The following SCAI variants were observed in gnomAD, a reference collection of about 807,000 sequenced individuals.
SCAI encodes protein SCAI.
SCAI carries 24 observed loss-of-function variants against 92.2 expected under a neutral mutation model. The ratio of observed to expected loss-of-function variants is 0.26; its 90% CI spans 0.19 to 0.37. The LOEUF (loss-of-function observed/expected upper bound fraction) is 0.37, where lower values mean the gene tolerates loss of function less well. Ranked by LOEUF, SCAI falls within the 10% of genes least tolerant of loss-of-function variation. The probability of loss-of-function intolerance (pLI) is 1.00; values close to 1 mark genes in which losing one functional copy is unlikely to be tolerated. For missense variants in SCAI, 450 were observed against 736.2 expected (o/e 0.61, Z 4.50); for synonymous variants, 261 against 258.6 (o/e 1.01, Z -0.09).
intron 2 of SCAI, among the ~76,000 whole-genome samples, chr9:125,067,539 C>T (rs796195319): frequency 3.3e-5 from 5 of 152,210 alleles, no homozygotes; most frequent in African/African-American, 4.8e-5. Flanking sequence ...CATCAGAAGC[C>T]GGGAGAGAGA....
chr9:124,981,574 G>A (rs1831887035), intron 14 of SCAI, among the ~76,000 whole-genome samples: 1 of 152,026 alleles, frequency 6.6e-6, no homozygotes, highest in African/African-American at 2.4e-5. Flanking sequence ...CGTGATGAGT[G>A]TTATTAGATT....
chr9:125,143,347 C>A, intron 1 of SCAI, 38 bp downstream of exon 1: 1 of 1,256,624 alleles, frequency 8.0e-7, no homozygotes, highest in Non-Finnish European at 1.0e-6. Context: ...CTGGCCCCCA[C>A]CCCATCCCCA....
intron 2 of SCAI, among the ~76,000 whole-genome samples, chr9:125,134,234 C>T (rs562770408): frequency 6.6e-6 from 1 of 152,272 alleles, no homozygotes; most frequent in African/African-American, 2.4e-5. Context: ...AAACTGCCCT[C>T]ACTACCACTA....
At chr9:125,006,330 C>T (rs914439048) in intron 9 of SCAI, among the ~76,000 whole-genome samples, 21 of 152,040 alleles carry the variant, frequency 1.4e-4, no homozygotes, top group African/African-American at 4.1e-4. Flanking sequence ...AGCCAAGAGG[C>T]GGGGATTAAA....
intron 2 of SCAI, among the ~76,000 whole-genome samples, chr9:125,082,401 C>T (rs969780881): frequency 1.3e-5 from 2 of 152,238 alleles, no homozygotes; most frequent in African/African-American, 4.8e-5. Flanking sequence ...CATGGAGAAC[C>T]TCTGCTAAGG....
chr9:125,139,397 C>A (rs185088229), intron 2 of SCAI, among the ~76,000 whole-genome samples: 128 of 151,854 alleles, frequency 8.4e-4, no homozygotes, highest in African/African-American at 3.0e-3. Flanking sequence ...TGAAGTGAGA[C>A]CGTCTTTAAA....
intron 17 of SCAI, among the ~76,000 whole-genome samples, chr9:124,959,399 T>C (rs1831389240): frequency 6.7e-6 from 1 of 150,260 alleles, no homozygotes; most frequent in South Asian, 2.1e-4. Context: ...AAAAGCAACC[T>C]TCAAAAGCTA....
At position 125,025,217 on chromosome 9, in the gene SCAI, T is replaced by C. The variant is rs372138464; in HGVS notation, c.512+1595A>G. Among the ~76,000 whole-genome samples the C allele has an allele frequency of 6.4e-4, 98 of 152,320 alleles. 2 individuals are homozygous for C. In the South Asian group the frequency reaches 0.02, roughly 31 times the overall value. ...CAAGGTCAAGGTTTTGCACACCAGA[T>C]TGTCCTTTGATTCTAATTTACTGGC... is the stretch of plus-strand genomic sequence containing the variant. On this transcript the variant is annotated intron_variant, in intron 6 of 17. Coordinates refer to ENST00000336505, the MANE Select transcript of SCAI (RefSeq NM_001144877.3).
intron 2 of SCAI, among the ~76,000 whole-genome samples, chr9:125,129,819 C>T (rs1283466127): frequency 6.6e-6 from 1 of 151,748 alleles, no homozygotes; most frequent in Non-Finnish European, 1.5e-5. Flanking sequence ...ATCTAGATAC[C>T]GATTACTATG....
intron 14 of SCAI, among the ~76,000 whole-genome samples, chr9:124,994,041 T>A (rs1317047803): frequency 3.9e-5 from 6 of 151,930 alleles, no homozygotes; most frequent in Admixed American, 2.0e-4. Context: ...TGGCATTTTT[T>A]TTTTTTTTTT....
intron 2 of SCAI, among the ~76,000 whole-genome samples, chr9:125,061,563 A>G (rs942825690): frequency 6.6e-6 from 1 of 152,192 alleles, no homozygotes; most frequent in Non-Finnish European, 1.5e-5. Context: ...GTTAGAGATC[A>G]GCCTGGGCAA....
rs117214916 is a variant in SCAI at position 125,007,209 on chromosome 9, A to G, written c.862-3639T>C. Among the ~76,000 whole-genome samples the G allele has an allele frequency of 3.1e-3, 468 of 152,318 alleles. 3 individuals are homozygous for G. The highest frequency in any genetic ancestry group is 4.2e-3 in the Non-Finnish European group (288 of 68,036). On this transcript the variant is annotated intron_variant, in intron 9 of 17. Transcript: ENST00000336505. ...AGATATATAGTAATTATAAATATTA[A>G]TATGATAATTTTAAAAGTGAGAAAC...
intron 2 of SCAI, among the ~76,000 whole-genome samples, chr9:125,073,682 T>C (rs181502584): frequency 2.0e-4 from 31 of 152,210 alleles, no homozygotes; most frequent in African/African-American, 7.2e-4. Flanking sequence ...ATGACTCTGT[T>C]TATGCAGCAA....
At chr9:125,128,525 G>A (rs144361881) in intron 2 of SCAI, among the ~76,000 whole-genome samples, 3,094 of 149,102 alleles carry the variant, frequency 0.021, 104 homozygotes, top group African/African-American at 0.072. Context: ...AGTCCGAGGC[G>A]GGTGGATCAC....
rs1832587178 is a variant in SCAI, at chr9:125,009,540, G to A, written c.862-5970C>T. On this transcript the variant is annotated intron_variant, in intron 9 of 17. Coordinates refer to ENST00000336505, the MANE Select transcript of SCAI (RefSeq NM_001144877.3). ...CCCCACTTTGCCTCCCAAAGTGCAT[G>A]AGCCACCATGCCCAAAGGCATGAGT... Among the ~76,000 whole-genome samples, 3 of 152,144 alleles carry A rather than the reference G, an allele frequency of 2.0e-5. 1 individual carries two copies. The South Asian group carries it at 6.2e-4, about 32-fold the overall frequency.
At chr9:125,044,682 G>A (rs1003850262) in intron 3 of SCAI, among the ~76,000 whole-genome samples, 1 of 152,148 alleles carries the variant, frequency 6.6e-6, no homozygotes, top group Non-Finnish European at 1.5e-5. Flanking sequence ...ACACAAACAG[G>A]GCTGAAACAT....
chr9:125,107,238 G>A lies in SCAI; in HGVS notation c.98+35395C>T, dbSNP rs1014910440. On this transcript the variant is annotated intron_variant, in intron 2 of 17. Transcript: ENST00000336505. ...ATCCTGGCCAACATAGTGAAACCCC[G>A]TCTCTACTAGAAATACAAAAATTAG... 3.3e-5 allele frequency among the ~76,000 whole-genome samples: 5 copies of A among 151,780 alleles called. No homozygotes were observed. The East Asian group carries it at 7.8e-4, about 24-fold the overall frequency.
At chr9:124,988,711 C>T (rs530647683) in intron 14 of SCAI, among the ~76,000 whole-genome samples, 32 of 151,782 alleles carry the variant, frequency 2.1e-4, no homozygotes, top group Admixed American at 3.9e-4. Flanking sequence ...TGTGCAATAA[C>T]GAAAAAAGTT....
At chr9:125,046,911 T>G (rs1833455171) in intron 3 of SCAI, among the ~76,000 whole-genome samples, 1 of 151,038 alleles carries the variant, frequency 6.6e-6, no homozygotes, top group Admixed American at 6.6e-5. Context: ...ATTTTATTGT[T>G]TAATATTTTA....
Sources: gnomAD v4.1 joint callset for allele counts (sites outside exome capture counted in the v4.1 genomes callset) on GRCh38, gnomAD v4.1.1 for gene constraint, MANE v1.5 for transcripts, NCBI Gene and HGNC (gene_info 2026-07-23, HGNC 2026-07-21) for gene names.